SPSB4: variants seen among roughly 807,000 people sequenced by gnomAD.
SPSB4 encodes the protein splA/ryanodine receptor domain and SOCS box containing 4, also known as SPRY domain-containing SOCS box protein 4.
In SPSB4, 21 loss-of-function variants were observed where a neutral mutation model predicts 20.9. That is an observed-to-expected ratio of 1.01 (90% CI 0.71 to 1.45). The LOEUF (loss-of-function observed/expected upper bound fraction) is 1.45, where lower values mean the gene tolerates loss of function less well. SPSB4 is among the 40% of genes most tolerant of loss of function. The pLI is 0.00. For synonymous variants in SPSB4, 207 were observed against 183.8 expected (o/e 1.13, Z -1.02); for missense variants, 399 against 399.2 (o/e 1.00, Z 0.00).
chr3:141,137,251 G>A (rs1325035632), intron 2 of SPSB4, among the ~76,000 whole-genome samples: 1 of 152,106 alleles, frequency 6.6e-6, no homozygotes, highest in Non-Finnish European at 1.5e-5. Flanking sequence ...CTGAGATGAT[G>A]GGGTTTTCTA....
rs554773113 is a variant in SPSB4 at position 141,116,397 on chromosome 3, C to A, written c.695-30745C>A. On this transcript the variant is annotated intron_variant, in intron 2 of 2. Coordinates refer to ENST00000310546, the MANE Select transcript of SPSB4 (RefSeq NM_080862.3). The stretch of plus-strand genomic sequence containing the variant: ...CTGAGCTTGGAAAACCAGCTGGCAC[C>A]ACCACATGGAGCAGGGCTGAGGGTC... 8.7e-4 allele frequency among the ~76,000 whole-genome samples: 132 copies of A among 152,360 alleles called. 1 individual carries two copies. Among genetic ancestry groups the A allele is most frequent in the South Asian group, 1.2e-3 (6 of 4,820 alleles).
intron 1 of SPSB4, among the ~76,000 whole-genome samples, chr3:141,057,359 C>T (rs1937667575): frequency 6.6e-6 from 1 of 152,212 alleles, no homozygotes; most frequent in African/African-American, 2.4e-5. Context: ...AGGCACCTAT[C>T]ATTGGTACCT....
chr3:141,112,197 T>A (rs1026345247), intron 2 of SPSB4, among the ~76,000 whole-genome samples: 2 of 152,188 alleles, frequency 1.3e-5, no homozygotes, highest in African/African-American at 4.8e-5. Flanking sequence ...CATCTGTAAA[T>A]GAAGATGCCA....
intron 2 of SPSB4, among the ~76,000 whole-genome samples, chr3:141,103,677 C>T (rs1366507705): frequency 6.6e-6 from 1 of 152,142 alleles, no homozygotes; most frequent in Non-Finnish European, 1.5e-5. Context: ...CCGCAACCCT[C>T]CAACAGCGAA....
chr3:141,068,911 G>A (rs540434156), intron 2 of SPSB4, among the ~76,000 whole-genome samples: 61 of 152,310 alleles, frequency 4.0e-4, no homozygotes, highest in Non-Finnish European at 7.3e-4. Flanking sequence ...GTGAGGAAAG[G>A]CAGTTATGTT....
intron 2 of SPSB4, among the ~76,000 whole-genome samples, chr3:141,102,121 G>A (rs1293895107): frequency 6.6e-6 from 1 of 152,230 alleles, no homozygotes; most frequent in African/African-American, 2.4e-5. Context: ...CAATAAAGGT[G>A]TATCCAGGCA....
At chr3:141,128,204 A>C (rs1939078585) in intron 2 of SPSB4, among the ~76,000 whole-genome samples, 1 of 152,154 alleles carries the variant, frequency 6.6e-6, no homozygotes, top group African/African-American at 2.4e-5. Context: ...AGTAATGCTG[A>C]GGTTGATAGT....
chr3:141,102,995 A>T (rs961659399), intron 2 of SPSB4, among the ~76,000 whole-genome samples: 2 of 152,156 alleles, frequency 1.3e-5, no homozygotes, highest in Non-Finnish European at 2.9e-5. Context: ...AGCCCAAACC[A>T]GATACGGTCA....
chr3:141,147,649 T>G lies in SPSB4; in HGVS notation c.*380T>G. 5.5e-6 allele frequency: 1 copy of G among 182,672 alleles called. No individual in the cohort carries two copies. Among genetic ancestry groups the G allele is most frequent in the Non-Finnish European group, 1.2e-5 (1 of 85,868 alleles). 11.3% of individuals were successfully genotyped at this position (182,672 alleles called of 1,614,324 possible). On this transcript the variant is annotated 3_prime_UTR_variant, in exon 3 of 3. Transcript: ENST00000310546. ...GGAGACTTTCTATTGTGTGCCCCGT[T>G]GCAGACAGGGCCAGGGAGAAATTAG...
chr3:141,115,288 T>C (rs1465137148), intron 2 of SPSB4: 1 of 152,234 alleles, frequency 6.6e-6, no homozygotes, highest in African/African-American at 2.4e-5. Context: ...CTGTCCCCAG[T>C]GGCGTTGGCA....
At chr3:141,092,493 A>AT (rs1938472982) in intron 2 of SPSB4, among the ~76,000 whole-genome samples, 1 of 152,228 alleles carries the variant, frequency 6.6e-6, no homozygotes, top group Non-Finnish European at 1.5e-5. Flanking sequence ...GATACAACTA[A>AT]TACCTCCATG....
chr3:141,113,886 A>G lies in SPSB4; in HGVS notation c.695-33256A>G, dbSNP rs61342159. On this transcript the variant is annotated intron_variant, in intron 2 of 2. Coordinates refer to ENST00000310546, the MANE Select transcript of SPSB4 (RefSeq NM_080862.3). ...CAAGGCGGGCAGATCGCTTGAGTCC[A>G]GGAGTTTGAGACCAGCCTGGTCAAC... 4.5e-3 allele frequency among the ~76,000 whole-genome samples: 688 copies of G among 152,340 alleles called. 8 individuals are homozygous for G. Among genetic ancestry groups the G allele is most frequent in the African/African-American group, 0.015 (634 of 41,576 alleles).
At chr3:141,124,913 T>G (rs951112723) in intron 2 of SPSB4, among the ~76,000 whole-genome samples, 3 of 152,292 alleles carry the variant, frequency 2.0e-5, no homozygotes, top group East Asian at 1.9e-4. Flanking sequence ...AGATCCTGCA[T>G]TTTCAACAGG....
Position 141,105,945 on chromosome 3 carries a change from A to C in SPSB4, c.694+39147A>C, listed in dbSNP as rs529142630. On this transcript the variant is annotated intron_variant, in intron 2 of 2. Transcript: ENST00000310546. Reference sequence around the variant, plus strand: ...ATGGCCACTTAAAATTCCACACTACATGTGGTAACTACATCGCCACCTGGT... The same window carrying C: ...ATGGCCACTTAAAATTCCACACTACCTGTGGTAACTACATCGCCACCTGGT... Among the ~76,000 whole-genome samples the C allele has an allele frequency of 9.2e-5, 14 of 152,374 alleles. No individual in the cohort carries two copies. The South Asian group carries it at 2.9e-3, about 32-fold the overall frequency.
chr3:141,064,317 T>C (rs930902192), intron 1 of SPSB4, among the ~76,000 whole-genome samples: 1 of 152,220 alleles, frequency 6.6e-6, no homozygotes, highest in African/African-American at 2.4e-5. Context: ...GGAGTTTGCA[T>C]TTCTTTTTTT....
chr3:141,144,346 T>G (rs1226022901), intron 2 of SPSB4, among the ~76,000 whole-genome samples: 1 of 152,254 alleles, frequency 6.6e-6, no homozygotes, highest in Non-Finnish European at 1.5e-5. Flanking sequence ...ATGATTCTTT[T>G]TCGGTTTTAT....
chr3:141,121,110 G>A (rs1938960054), intron 2 of SPSB4, among the ~76,000 whole-genome samples: 1 of 151,646 alleles, frequency 6.6e-6, no homozygotes, highest in South Asian at 2.1e-4. Flanking sequence ...AGGCCTGGTG[G>A]TAACAAAATC....
intron 2 of SPSB4, among the ~76,000 whole-genome samples, chr3:141,108,514 G>A (rs894405366): frequency 6.6e-6 from 1 of 152,226 alleles, no homozygotes; most frequent in African/African-American, 2.4e-5. Flanking sequence ...GGAGCCACCT[G>A]GGATAGATGT....
chr3:141,144,987 G>T (rs530737754), intron 2 of SPSB4, among the ~76,000 whole-genome samples: 1 of 152,208 alleles, frequency 6.6e-6, no homozygotes, highest in African/African-American at 2.4e-5. Flanking sequence ...AGGAGAGATG[G>T]GGACACCCTG....
Sources: gnomAD v4.1 joint callset for allele counts (sites outside exome capture counted in the v4.1 genomes callset) on GRCh38, gnomAD v4.1.1 for gene constraint, MANE v1.5 for transcripts, NCBI Gene and HGNC (gene_info 2026-07-23, HGNC 2026-07-21) for gene names.